The following ALMS1 variants were observed in gnomAD, a reference collection of about 807,000 sequenced individuals.
ALMS1 encodes ALMS1 centrosome and basal body associated protein, also known as centrosome-associated protein ALMS1.
A neutral mutation model predicts 352.2 loss-of-function variants in ALMS1; 271 were observed. That is an observed-to-expected ratio of 0.77 (90% CI 0.70 to 0.85). The LOEUF is 0.85. Ranked by LOEUF, ALMS1 falls within the 40% of genes least tolerant of loss-of-function variation. The probability of loss-of-function intolerance (pLI) is 0.00; values close to 1 mark genes in which losing one functional copy is unlikely to be tolerated. For synonymous variants in ALMS1, 1,865 were observed against 1,761.2 expected (o/e 1.06, Z -1.48); for missense variants, 5,445 against 4,870.7 (o/e 1.12, Z -3.51).
chr2:73,386,145 C>A lies in ALMS1; in HGVS notation c.277C>A (p.Pro93Thr). 2 of 1,558,390 alleles carry A rather than the reference C, an allele frequency of 1.3e-6. No individual in the cohort carries two copies. Among genetic ancestry groups the A allele is most frequent in the Non-Finnish European group, 1.7e-6 (2 of 1,151,702 alleles). Residue 93 changes from proline to threonine, a missense_variant, in exon 1 of 23, where the codon CCC becomes ACC. Coordinates refer to ENST00000613296, the MANE Select transcript of ALMS1 (RefSeq NM_001378454.1). ...CGGCAGGATTTTGCCTCCGCTGTCG[C>A]CCCCGCAGCACCGCTACTCGGAGGG... ...HPGRILPPLS[P>T]PQHRYSEGER...
At chr2:73,507,932 C>G (rs1241923071) in intron 10 of ALMS1, among the ~76,000 whole-genome samples, 1 of 152,112 alleles carries the variant, frequency 6.6e-6, no homozygotes, top group African/African-American at 2.4e-5. Context: ...AAATTTCCCT[C>G]TACACACTGC....
chr2:73,438,795 A>G (rs891719454), intron 7 of ALMS1, among the ~76,000 whole-genome samples: 2 of 152,112 alleles, frequency 1.3e-5, no homozygotes, highest in African/African-American at 4.8e-5. Flanking sequence ...TTACCTCTTC[A>G]GTTTCCATTC....
intron 1 of ALMS1, among the ~76,000 whole-genome samples, chr2:73,407,516 GT>G (rs780785127): frequency 3.3e-5 from 5 of 152,128 alleles, no homozygotes; most frequent in Non-Finnish European, 7.4e-5. Flanking sequence ...TTAAAATAAT[GT>G]TTTTATATTT....
At chr2:73,484,330 T>G (rs1188828628) in intron 9 of ALMS1, among the ~76,000 whole-genome samples, 1 of 151,204 alleles carries the variant, frequency 6.6e-6, no homozygotes, top group East Asian at 1.9e-4. Context: ...CCTTCACTTA[T>G]GAAGCTTAGT....
chr2:73,461,767 G>C (rs941718847), intron 9 of ALMS1, among the ~76,000 whole-genome samples: 1 of 152,212 alleles, frequency 6.6e-6, no homozygotes, highest in Non-Finnish European at 1.5e-5. Context: ...TAAAGGAGCT[G>C]ATGGAGCTAA....
At chr2:73,460,440 C>A (rs1277615628) in intron 9 of ALMS1, among the ~76,000 whole-genome samples, 3 of 152,030 alleles carry the variant, frequency 2.0e-5, no homozygotes, top group African/African-American at 7.2e-5. Context: ...TCATTCAGCA[C>A]TCATTAAAAA....
Position 73,450,191 on chromosome 2 carries a change from C to T in ALMS1, c.3664C>T (p.Leu1222Phe). ...AGAGGCACAGAAAGTTTCACCTGTT[C>T]TTGGACCAGCTGACCAGAAGACTGG... ...PEEAQKVSPV[L>F]GPADQKTGTP... The change falls in exon 8 of 23, where the codon CTT becomes TTT. Residue 1222 changes from leucine (L) to phenylalanine (F), a missense_variant. By Grantham distance (22) the Leu-to-Phe change is conservative (BLOSUM62 0). Transcript: ENST00000613296. 1 of 1,614,064 alleles carries T rather than the reference C, an allele frequency of 6.2e-7. No individual in the cohort carries two copies.
chr2:73,466,198 G>A (rs1390888818), intron 9 of ALMS1, among the ~76,000 whole-genome samples: 3 of 152,080 alleles, frequency 2.0e-5, no homozygotes, highest in Admixed American at 6.6e-5. Context: ...CGTTTATTGC[G>A]GCACTATTCA....
At chr2:73,465,379 A>C (rs879902763) in intron 9 of ALMS1, among the ~76,000 whole-genome samples, 307 of 152,222 alleles carry the variant, frequency 2.0e-3, no homozygotes, top group East Asian at 4.6e-3. Flanking sequence ...CAAAAACAAG[A>C]AATGGGGAAA....
intron 6 of ALMS1, among the ~76,000 whole-genome samples, chr2:73,429,107 A>T (rs1364497159): frequency 6.6e-6 from 1 of 152,082 alleles, no homozygotes; most frequent in Non-Finnish European, 1.5e-5. Context: ...ATAACCTTAT[A>T]CATCGTACTA....
At chr2:73,431,138 A>G (rs902901292) in intron 6 of ALMS1, among the ~76,000 whole-genome samples, 4 of 152,152 alleles carry the variant, frequency 2.6e-5, no homozygotes, top group Admixed American at 1.3e-4. Context: ...ACTAGATACT[A>G]GTAACATCCC....
chr2:73,486,210 T>TTATC (rs894369947), intron 9 of ALMS1, among the ~76,000 whole-genome samples: 1 of 152,088 alleles, frequency 6.6e-6, no homozygotes, highest in African/African-American at 2.4e-5. Flanking sequence ...ATACAAGACC[T>TTATC]TTGTTGGATA....
intron 10 of ALMS1, among the ~76,000 whole-genome samples, chr2:73,518,392 G>A (rs139902986): frequency 2.6e-5 from 4 of 152,248 alleles, no homozygotes; most frequent in African/African-American, 9.6e-5. Context: ...GTTGATTCAT[G>A]TCTTTGTTAT....
intron 7 of ALMS1, among the ~76,000 whole-genome samples, chr2:73,441,706 A>G (rs1671722878): frequency 6.6e-6 from 1 of 152,106 alleles, no homozygotes; most frequent in Non-Finnish European, 1.5e-5. Context: ...AAAGAAAACT[A>G]AGGAAGTCAT....
intron 14 of ALMS1, among the ~76,000 whole-genome samples, chr2:73,557,677 C>T (rs149612122): frequency 1.3e-5 from 2 of 152,296 alleles, no homozygotes; most frequent in East Asian, 1.9e-4. Flanking sequence ...CTGTGAGACA[C>T]GGACCCTCTA....
rs148449417 is a variant in ALMS1 at position 73,509,806 on chromosome 2, G to T, written c.9540-9969G>T. Among the ~76,000 whole-genome samples, 17 of 152,320 alleles carry T rather than the reference G, an allele frequency of 1.1e-4. No individual in the cohort carries two copies. In the East Asian group the frequency reaches 3.3e-3, roughly 29 times the overall value. ...ATTTCTTGAATTTGAATGTTGGTCA[G>T]TCTTGCTAGGTTGGGGAAGTTCTCC... On this transcript the variant is annotated intron_variant, in intron 10 of 22. Coordinates refer to ENST00000613296, the MANE Select transcript of ALMS1 (RefSeq NM_001378454.1).
At chr2:73,483,422 A>C (rs1672757592) in intron 9 of ALMS1, among the ~76,000 whole-genome samples, 1 of 151,762 alleles carries the variant, frequency 6.6e-6, no homozygotes, top group African/African-American at 2.4e-5. Flanking sequence ...GTTTGATTGC[A>C]CTGTGGTCTG....
intron 13 of ALMS1, among the ~76,000 whole-genome samples, chr2:73,555,151 T>C (rs1283214812): frequency 6.6e-6 from 1 of 152,184 alleles, no homozygotes. Context: ...TCTAAAATAT[T>C]TATGGAAAAT....
At chr2:73,482,151 G>A (rs1572962067) in intron 9 of ALMS1, among the ~76,000 whole-genome samples, 1 of 152,182 alleles carries the variant, frequency 6.6e-6, no homozygotes, top group East Asian at 1.9e-4. Context: ...TCCCTGTCTT[G>A]TGCCGGTTTT....
Sources: gnomAD v4.1 joint callset for allele counts (sites outside exome capture counted in the v4.1 genomes callset) on GRCh38, gnomAD v4.1.1 for gene constraint, MANE v1.5 for transcripts, NCBI Gene and HGNC (gene_info 2026-07-23, HGNC 2026-07-21) for gene names.